Variants in DMRTC2 observed in about 807,000 individuals in gnomAD.
The protein encoded by DMRTC2 is DMRT like family C2.
In DMRTC2, 13 loss-of-function variants were observed where a neutral mutation model predicts 39.9. That is an observed-to-expected ratio of 0.33 (90% CI 0.21 to 0.52). DMRTC2 has a LOEUF of 0.52. Ranked by LOEUF, DMRTC2 falls within the 20% of genes least tolerant of loss-of-function variation. The pLI is 0.96. For missense variants in DMRTC2, 431 were observed against 472.8 expected, an observed-to-expected ratio of 0.91 and a Z score of 0.82; for synonymous variants, 189 against 185.2, an observed-to-expected ratio of 1.02 and a Z score of -0.17.
intron 1 of DMRTC2, among the ~76,000 whole-genome samples, chr19:41,846,811 C>A (rs2073861132): frequency 6.6e-6 from 1 of 151,876 alleles, no homozygotes; most frequent in African/African-American, 2.4e-5. Context: ...TTGTGATCCA[C>A]CCGCCTTGGC....
At chr19:41,847,682 A>G (rs1555836287) in intron 2 of DMRTC2, 30 bp downstream of exon 2, 3 of 1,613,706 alleles carry the variant, frequency 1.9e-6, no homozygotes, top group Non-Finnish European at 2.5e-6. Context: ...GGGGAGGAGG[A>G]TGAGCCTCCT....
At chr19:41,847,343 C>A in intron 1 of DMRTC2, 82 bp from the exon 2 acceptor site, 1 of 1,477,458 alleles carries the variant, frequency 6.8e-7, no homozygotes. Context: ...AGGATGGAGA[C>A]CTGCAGGTGT....
At chr19:41,851,513 G>A (rs1370301703) in intron 8 of DMRTC2, 71 bp from the exon 9 acceptor site, 23 of 1,289,404 alleles carry the variant, frequency 1.8e-5, no homozygotes, top group Non-Finnish European at 2.4e-5. Context: ...GATTGGATTC[G>A]GTAAAAAGAG....
chr19:41,848,422 C>G, intron 3 of DMRTC2, 30 bp from the exon 4 acceptor site: 1 of 1,573,444 alleles, frequency 6.4e-7, no homozygotes, highest in Non-Finnish European at 8.6e-7. Context: ...GGAGAAAGGG[C>G]TCATTAGAGC....
chr19:41,851,180 A>G (rs1044078181), intron 8 of DMRTC2: 2 of 206,490 alleles, frequency 9.7e-6, no homozygotes, highest in Non-Finnish European at 1.9e-5. Context: ...GGGGACAGAC[A>G]GGGAAAGCTG....
chr19:41,851,508 G>T, intron 8 of DMRTC2, 76 bp from the exon 9 acceptor site: 1 of 1,245,856 alleles, frequency 8.0e-7, no homozygotes, highest in Non-Finnish European at 1.2e-6. Context: ...GCCTGGATTG[G>T]ATTCGGTAAA....
intron 6 of DMRTC2, among the ~76,000 whole-genome samples, chr19:41,849,680 G>A (rs2073926283): frequency 6.6e-6 from 1 of 152,198 alleles, no homozygotes; most frequent in Non-Finnish European, 1.5e-5. Context: ...CCAAAGGTGA[G>A]CCAAGCTCTC....
chr19:41,850,275 G>C, intron 6 of DMRTC2, 37 bp from the exon 7 acceptor site: 1 of 1,468,892 alleles, frequency 6.8e-7, no homozygotes, highest in Non-Finnish European at 9.0e-7. Context: ...CTGTTCATCT[G>C]TTTAACCACC....
At chr19:41,850,845 G>T in intron 8 of DMRTC2, 145 bp downstream of exon 8, 1 of 795,862 alleles carries the variant, frequency 1.3e-6, no homozygotes. Context: ...CTGGCCCCTG[G>T]GATTGCAGTT....
Position 41,851,792 on chromosome 19 carries a change from T to C in DMRTC2, c.*96T>C. ...CTTACTTAAGGATTTATGCATGGAA[T>C]TTAATGTAGTACAAGCTTCGGGCTT... On this transcript the variant is annotated 3_prime_UTR_variant, in exon 9 of 9. Coordinates refer to ENST00000269945, the MANE Select transcript of DMRTC2 (RefSeq NM_001040283.3). The C allele has an allele frequency of 9.2e-7, 1 of 1,089,374 alleles. No homozygotes were observed. The highest frequency in any genetic ancestry group is 1.4e-6 in the Non-Finnish European group (1 of 735,168). 67.5% of individuals were successfully genotyped at this position (1,089,374 alleles called of 1,614,324 possible). A position where few individuals can be genotyped will look rare whatever the true frequency, so the allele number is the denominator to read the frequency against.
intron 1 of DMRTC2, chr19:41,845,340 CCA>C (rs1260160461): frequency 6.6e-6 from 1 of 152,292 alleles, no homozygotes; most frequent in Admixed American, 6.5e-5. Context: ...TTGGTAGTGG[CCA>C]CAGGAGCAGG....
At chr19:41,851,078 A>T in intron 8 of DMRTC2, 1 of 239,676 alleles carries the variant, frequency 4.2e-6, no homozygotes, top group Non-Finnish European at 8.0e-6. Flanking sequence ...CAAGGAGCTT[A>T]CGTTCTAGTT....
chr19:41,848,799 C>T lies in DMRTC2; in HGVS notation c.452C>T (p.Ser151Phe). ...CTGTGCCCTCTGCCCCTGCAGAACTCCTGTGGGCCTCTGCTGCTCAGCCAT... is the reference window on the plus strand; with the variant it reads ...CTGTGCCCTCTGCCCCTGCAGAACTTCTGTGGGCCTCTGCTGCTCAGCCAT... ...LLAPTPPGKN[S>F]CGPLLLSHPP... Residue 151 changes from serine to phenylalanine, a missense_variant, in exon 5 of 9, where the codon TCC (serine) becomes TTC (phenylalanine). Transcript: ENST00000269945. 6.2e-7 allele frequency: 1 copy of T among 1,608,248 alleles called. No homozygotes were observed. Among genetic ancestry groups the T allele is most frequent in the Non-Finnish European group, 8.5e-7 (1 of 1,180,002 alleles).
intron 6 of DMRTC2, 128 bp downstream of exon 6, chr19:41,849,384 C>T: frequency 7.6e-7 from 1 of 1,318,364 alleles, no homozygotes; most frequent in Non-Finnish European, 1.0e-6. Context: ...AGGCAGAGCT[C>T]TCCTAGTACT....
Position 41,850,675 on chromosome 19 carries a change from C to A in DMRTC2, c.966C>A (p.Ser322=). The change falls in exon 8 of 9, where the codon TCC becomes TCA. Residue 322 remains serine, a synonymous_variant. Coordinates refer to ENST00000269945, the MANE Select transcript of DMRTC2 (RefSeq NM_001040283.3). ...PSVPPNPAWI[S]LLHPCGPPAP... Reference sequence around the variant, plus strand: ...TGCCCCCCAACCCTGCCTGGATCTCCCTGCTTCACCCCTGTGGCCCACCAG... The same window carrying A: ...TGCCCCCCAACCCTGCCTGGATCTCACTGCTTCACCCCTGTGGCCCACCAG... 1 of 1,595,336 alleles carries A rather than the reference C, an allele frequency of 6.3e-7. No individual in the cohort carries two copies. The highest frequency in any genetic ancestry group is 1.1e-5 in the South Asian group (1 of 88,868).
chr19:41,847,247 A>G (rs1376403599), intron 1 of DMRTC2, 178 bp from the exon 2 acceptor site: 8 of 984,704 alleles, frequency 8.1e-6, no homozygotes, highest in Non-Finnish European at 9.6e-6. Context: ...TTTCTGAAGA[A>G]GGAAGATACC....
intron 3 of DMRTC2, among the ~76,000 whole-genome samples, 156 bp from the exon 4 acceptor site, chr19:41,848,296 A>G (rs1051499499): frequency 1.3e-5 from 2 of 152,122 alleles, no homozygotes; most frequent in African/African-American, 2.4e-5. Context: ...TAGTGAGCCA[A>G]GATCACGCCA....
rs782141711 is a variant in DMRTC2, at chr19:41,847,566, C to G, written c.138C>G (p.Arg46=). ...ISRSPTCARC[R]NHGVTAHLKG... ...GCTCTCCAACCTGCGCCCGCTGCCG[C>G]AACCATGGTGTCACCGCCCATCTCA... Residue 46 remains arginine (R), a synonymous_variant, in exon 2 of 9, where the codon CGC becomes CGG. Coordinates refer to ENST00000269945, the MANE Select transcript of DMRTC2 (RefSeq NM_001040283.3). 11 of 1,614,230 alleles carry G rather than the reference C, an allele frequency of 6.8e-6. No homozygotes were observed. The highest frequency in any genetic ancestry group is 9.3e-6 in the Non-Finnish European group (11 of 1,180,036).
intron 8 of DMRTC2, 73 bp downstream of exon 8, chr19:41,850,773 C>T: frequency 1.4e-6 from 2 of 1,444,778 alleles, no homozygotes; most frequent in South Asian, 2.9e-5. Flanking sequence ...AGGGACTAAC[C>T]AAGGAGATGA....
Sources: gnomAD v4.1 joint callset for allele counts (sites outside exome capture counted in the v4.1 genomes callset) on GRCh38, gnomAD v4.1.1 for gene constraint, MANE v1.5 for transcripts, NCBI Gene and HGNC (gene_info 2026-07-23, HGNC 2026-07-21) for gene names.